FGF12: variants seen among roughly 807,000 people sequenced by gnomAD.
FGF12 encodes the protein fibroblast growth factor 12B.
FGF12 carries 14 observed loss-of-function variants against 23.6 expected under a neutral mutation model. The observed-to-expected ratio is 0.59, with a 90% CI of 0.39 to 0.93. The LOEUF (loss-of-function observed/expected upper bound fraction) is 0.93, where lower values mean the gene tolerates loss of function less well. FGF12 is among the 40% of genes least tolerant of loss of function. The pLI, the probability that FGF12 is intolerant of heterozygous loss-of-function variation, is 0.00. For synonymous variants in FGF12, 62 were observed against 77.3 expected (o/e 0.80, Z 1.04); for missense variants, 175 against 217.8 (o/e 0.80, Z 1.24).
chr3:192,566,260 C>A (rs1350746345), intron 2 of FGF12, among the ~76,000 whole-genome samples: 2 of 152,170 alleles, frequency 1.3e-5, no homozygotes, highest in Non-Finnish European at 2.9e-5. Context: ...AGGAATCTGG[C>A]CTCAGACTTT....
chr3:192,621,690 C>CA (rs5855441), intron 2 of FGF12, among the ~76,000 whole-genome samples: 7,216 of 94,326 alleles, frequency 0.077, 525 homozygotes, highest in East Asian at 0.35. Flanking sequence ...GATACAAATA[C>CA]AAAAAAAAAA....
intron 2 of FGF12, among the ~76,000 whole-genome samples, chr3:192,419,008 A>T (rs1721439867): frequency 6.6e-6 from 1 of 152,202 alleles, no homozygotes; most frequent in African/African-American, 2.4e-5. Flanking sequence ...TCCTCACAAT[A>T]ACCCTGGCAA....
At chr3:192,444,852 G>A (rs1294611152) in intron 2 of FGF12, among the ~76,000 whole-genome samples, 1 of 152,156 alleles carries the variant, frequency 6.6e-6, no homozygotes, top group East Asian at 1.9e-4. Flanking sequence ...CTCTATCTTA[G>A]GGATTCTCTG....
chr3:192,190,296 A>C (rs1201981229), intron 4 of FGF12, among the ~76,000 whole-genome samples: 2 of 152,006 alleles, frequency 1.3e-5, no homozygotes, highest in African/African-American at 4.8e-5. Context: ...AAAATTCCTT[A>C]TGTTTCAAAA....
intron 2 of FGF12, among the ~76,000 whole-genome samples, chr3:192,367,460 A>T (rs1391306264): frequency 1.3e-5 from 2 of 152,190 alleles, no homozygotes; most frequent in Admixed American, 6.5e-5. Context: ...GGGTTAGAAA[A>T]TGTTCATAAG....
At chr3:192,697,079 G>A (rs537463049) in intron 2 of FGF12, among the ~76,000 whole-genome samples, 1 of 151,946 alleles carries the variant, frequency 6.6e-6, no homozygotes, top group East Asian at 1.9e-4. Flanking sequence ...TCTCAATATG[G>A]TTGGTTCCAG....
At chr3:192,362,122 G>A (rs1195374581) in intron 2 of FGF12, among the ~76,000 whole-genome samples, 15 of 152,144 alleles carry the variant, frequency 9.9e-5, no homozygotes, top group Non-Finnish European at 1.3e-4. Context: ...AATGGTGTCA[G>A]AAATAGAAGA....
At chr3:192,329,211 C>A (rs988278720) in intron 4 of FGF12, among the ~76,000 whole-genome samples, 6 of 152,152 alleles carry the variant, frequency 3.9e-5, no homozygotes, top group Admixed American at 6.5e-5. Context: ...TCAGATATTA[C>A]AGCAGAAGTA....
At chr3:192,707,993 T>C (rs999176922) in intron 2 of FGF12, among the ~76,000 whole-genome samples, 1 of 152,144 alleles carries the variant, frequency 6.6e-6, no homozygotes, top group Non-Finnish European at 1.5e-5. Flanking sequence ...GGAGTCTCGC[T>C]CTGTCACCCA....
chr3:192,475,910 A>T lies in FGF12; in HGVS notation c.14-115372T>A, dbSNP rs548763793. Among the ~76,000 whole-genome samples, 8 of 152,028 alleles carry T rather than the reference A, an allele frequency of 5.3e-5. No individual in the cohort carries two copies. The East Asian group carries it at 1.5e-3, about 29-fold the overall frequency. ...TAGATAGATAATAGATAGATGGTAG[A>T]TATAGATGATAGATGATATAGATAG... On this transcript the variant is annotated intron_variant, in intron 2 of 5. Transcript: ENST00000445105.
intron 2 of FGF12, among the ~76,000 whole-genome samples, chr3:192,460,644 C>T (rs1722832226): frequency 6.7e-6 from 1 of 149,478 alleles, no homozygotes; most frequent in African/African-American, 2.5e-5. Flanking sequence ...ACAACAGCAA[C>T]AACAAATATA....
intron 4 of FGF12, among the ~76,000 whole-genome samples, chr3:192,263,812 C>A (rs908512045): frequency 5.3e-5 from 8 of 152,008 alleles, no homozygotes; most frequent in African/African-American, 1.7e-4. Context: ...TTACTTAATA[C>A]CCTACAGATT....
chr3:192,294,294 G>T (rs1586935), intron 4 of FGF12, among the ~76,000 whole-genome samples: 57,236 of 151,842 alleles, frequency 0.38, 11,817 homozygotes, highest in East Asian at 0.87. Context: ...CTTACTTGGA[G>T]GAAGGGGCTA....
chr3:192,426,051 ATC>A (rs1721679482), intron 2 of FGF12, among the ~76,000 whole-genome samples: 1 of 152,252 alleles, frequency 6.6e-6, no homozygotes, highest in South Asian at 2.1e-4. Context: ...TTGAAAAGTT[ATC>A]TGTTTTCATA....
At chr3:192,365,536 T>TA (rs1194386666) in intron 2 of FGF12, among the ~76,000 whole-genome samples, 1 of 152,086 alleles carries the variant, frequency 6.6e-6, no homozygotes, top group Non-Finnish European at 1.5e-5. Flanking sequence ...ATAGGGTATA[T>TA]GAGAACTCTG....
intron 4 of FGF12, among the ~76,000 whole-genome samples, chr3:192,297,131 T>C (rs978742716): frequency 1.3e-5 from 2 of 152,200 alleles, no homozygotes; most frequent in African/African-American, 2.4e-5. Flanking sequence ...GGTCAATATA[T>C]AGGTATGTCT....
intron 2 of FGF12, among the ~76,000 whole-genome samples, chr3:192,369,066 G>A (rs1719110991): frequency 6.6e-6 from 1 of 152,166 alleles, no homozygotes; most frequent in African/African-American, 2.4e-5. Context: ...TTTTAGAGGT[G>A]CTTGTTTACA....
chr3:192,563,246 T>C (rs900233068), intron 2 of FGF12, among the ~76,000 whole-genome samples: 1 of 152,154 alleles, frequency 6.6e-6, no homozygotes, highest in Admixed American at 6.5e-5. Context: ...TGAAAACAGG[T>C]AAATAGACAC....
At chr3:192,385,845 A>C (rs1720018692) in intron 2 of FGF12, among the ~76,000 whole-genome samples, 1 of 152,174 alleles carries the variant, frequency 6.6e-6, no homozygotes, top group South Asian at 2.1e-4. Flanking sequence ...GTGGTACAGA[A>C]TAGGGAAGCC....
Sources: allele counts gnomAD v4.1 joint callset (sites outside exome capture counted in the v4.1 genomes callset), GRCh38; gene constraint gnomAD v4.1.1; transcripts MANE v1.5; gene names NCBI Gene and HGNC (gene_info 2026-07-23, HGNC 2026-07-21).